Variants in RNGTT observed in about 807,000 individuals in gnomAD.
RNGTT encodes RNA guanylyltransferase and 5'-phosphatase, also known as mRNA-capping enzyme.
Under a neutral mutation model 79.3 loss-of-function variants are expected in RNGTT, and 33 were observed. The observed-to-expected ratio is 0.42, with a 90% CI of 0.32 to 0.56. The LOEUF (loss-of-function observed/expected upper bound fraction) is 0.56, where lower values mean the gene tolerates loss of function less well. Among genes scored for constraint, RNGTT ranks in the 20% least tolerant of loss-of-function variants. RNGTT has a pLI of 0.17. For missense variants in RNGTT, 497 were observed against 739.1 expected, an observed-to-expected ratio of 0.67 and a Z score of 3.80; for synonymous variants, 222 against 235.9, an observed-to-expected ratio of 0.94 and a Z score of 0.54.
In RNGTT at chr6:88,891,731, A is replaced by T; in HGVS notation, c.794+75T>A. The T allele has an allele frequency of 4.6e-6, 4 of 876,072 alleles. No homozygotes were observed. The South Asian group carries it at 9.1e-5, about 20-fold the overall frequency. 54.3% of individuals were successfully genotyped at this position (876,072 alleles called of 1,614,324 possible). On this transcript the variant is annotated intron_variant, in intron 7 of 15. Coordinates refer to ENST00000369485, the MANE Select transcript of RNGTT (RefSeq NM_003800.5). Reference sequence around the variant, plus strand: ...ACATACTAACTTCAAGGAGCCAAGAAGATATGTCAATGCTTGTATTAAGTG... The same window carrying T: ...ACATACTAACTTCAAGGAGCCAAGATGATATGTCAATGCTTGTATTAAGTG...
At chr6:88,675,649 C>T (rs1774842177) in intron 14 of RNGTT, among the ~76,000 whole-genome samples, 1 of 146,338 alleles carries the variant, frequency 6.8e-6, no homozygotes, top group African/African-American at 2.8e-5. Context: ...TACATAAAAG[C>T]TACTGAACTA....
chr6:88,625,657 G>A (rs1772601759), intron 14 of RNGTT, among the ~76,000 whole-genome samples: 1 of 151,688 alleles, frequency 6.6e-6, no homozygotes. Flanking sequence ...ATTTTGTCTT[G>A]ATTCTAGTAG....
At chr6:88,718,749 T>A (rs1266969100) in intron 13 of RNGTT, among the ~76,000 whole-genome samples, 1 of 152,112 alleles carries the variant, frequency 6.6e-6, no homozygotes, top group Admixed American at 6.5e-5. Flanking sequence ...CACATAGAAA[T>A]GTATGCTGCC....
chr6:88,773,393 C>T (rs1158693334), intron 12 of RNGTT, among the ~76,000 whole-genome samples: 4 of 148,288 alleles, frequency 2.7e-5, no homozygotes, highest in South Asian at 4.2e-4. Flanking sequence ...GTGGGTGCAG[C>T]GCACCAGCAT....
intron 13 of RNGTT, among the ~76,000 whole-genome samples, chr6:88,756,110 G>GT (rs1231587148): frequency 6.6e-6 from 1 of 151,942 alleles, no homozygotes; most frequent in Non-Finnish European, 1.5e-5. Context: ...GACAGTTCAG[G>GT]TTAACAAAGA....
chr6:88,961,883 A>G (rs527797849), intron 1 of RNGTT, among the ~76,000 whole-genome samples: 34 of 152,264 alleles, frequency 2.2e-4, no homozygotes, highest in Non-Finnish European at 4.3e-4. Context: ...TAATAGCTAA[A>G]AACTGGAAAT....
At chr6:88,752,783 G>C (rs1469760900) in intron 13 of RNGTT, among the ~76,000 whole-genome samples, 1 of 152,120 alleles carries the variant, frequency 6.6e-6, no homozygotes, top group Non-Finnish European at 1.5e-5. Flanking sequence ...AGGAATGCTT[G>C]AGGGGATGGA....
chr6:88,937,141 C>T (rs772268306), intron 2 of RNGTT, among the ~76,000 whole-genome samples: 7 of 152,064 alleles, frequency 4.6e-5, no homozygotes, highest in Middle Eastern at 6.8e-3. Context: ...TCAGGAGTTC[C>T]GAGACCAGTC....
chr6:88,917,264 A>G (rs1784029772), intron 4 of RNGTT, among the ~76,000 whole-genome samples: 1 of 152,234 alleles, frequency 6.6e-6, no homozygotes, highest in Non-Finnish European at 1.5e-5. Flanking sequence ...TTCCTGGTAT[A>G]ATAAAATGAC....
intron 13 of RNGTT, among the ~76,000 whole-genome samples, chr6:88,690,903 A>G (rs1775454580): frequency 6.6e-6 from 1 of 152,120 alleles, no homozygotes; most frequent in South Asian, 2.1e-4. Context: ...TTTGACTATT[A>G]CTGGTAAGCA....
chr6:88,865,834 C>T (rs1168188533), intron 8 of RNGTT, among the ~76,000 whole-genome samples: 1 of 152,002 alleles, frequency 6.6e-6, no homozygotes, highest in East Asian at 1.9e-4. Context: ...ACACAATAAA[C>T]CCGAAAGCTA....
intron 13 of RNGTT, among the ~76,000 whole-genome samples, chr6:88,742,685 G>A (rs898158440): frequency 6.6e-6 from 1 of 152,174 alleles, no homozygotes; most frequent in African/African-American, 2.4e-5. Context: ...AAATTTACCA[G>A]TAAGCACTAA....
In RNGTT at chr6:88,929,147, C is replaced by A; in HGVS notation, c.278+17G>T. 3 of 1,561,492 alleles carry A rather than the reference C, an allele frequency of 1.9e-6. No homozygotes were observed. Among genetic ancestry groups the A allele is most frequent in the Non-Finnish European group, 2.6e-6 (3 of 1,140,480 alleles). On this transcript the variant is annotated intron_variant, in intron 3 of 15. Transcript: ENST00000369485. ...ATGAAAGGTTTCAATATTAAAGAAT[C>A]TTAATATATAACTTACCCTTTACAC...
intron 13 of RNGTT, among the ~76,000 whole-genome samples, chr6:88,697,118 A>G (rs1203745640): frequency 2.6e-5 from 4 of 152,194 alleles, no homozygotes; most frequent in Non-Finnish European, 5.9e-5. Context: ...AGAACTCTCT[A>G]CAAAATGCTG....
chr6:88,849,852 T>C, intron 9 of RNGTT, 26 bp from the exon 10 acceptor site: 1 of 1,519,988 alleles, frequency 6.6e-7, no homozygotes, highest in Non-Finnish European at 8.8e-7. Context: ...AAGGTAAGTT[T>C]CTTCATACTT....
intron 8 of RNGTT, among the ~76,000 whole-genome samples, chr6:88,857,908 G>A (rs1781890997): frequency 6.6e-6 from 1 of 151,960 alleles, no homozygotes; most frequent in African/African-American, 2.4e-5. Context: ...GACACAGGGG[G>A]CAAAATTAAA....
At chr6:88,672,881 A>AGT (rs958638930) in intron 14 of RNGTT, among the ~76,000 whole-genome samples, 1 of 152,090 alleles carries the variant, frequency 6.6e-6, no homozygotes, top group Non-Finnish European at 1.5e-5. Flanking sequence ...ATAATGGAAG[A>AGT]GTGTGTGTGT....
rs2127869554 is a variant in RNGTT at position 88,809,283 on chromosome 6, T to C, written c.1270-7651A>G. On this transcript the variant is annotated intron_variant, in intron 11 of 15. Coordinates refer to ENST00000369485, the MANE Select transcript of RNGTT (RefSeq NM_003800.5). Reference sequence around the variant, plus strand: ...AAAATAGTGGGGAAATCCTCAATTATACATAGAGAATTTAACACTCTTCTC... The same window carrying C: ...AAAATAGTGGGGAAATCCTCAATTACACATAGAGAATTTAACACTCTTCTC... Among the ~76,000 whole-genome samples the C allele has an allele frequency of 2.0e-5, 3 of 152,180 alleles. No individual in the cohort carries two copies. In the Middle Eastern group the frequency reaches 0.01, roughly 518 times the overall value.
chr6:88,938,601 G>C (rs191252751), intron 2 of RNGTT, among the ~76,000 whole-genome samples: 21 of 152,146 alleles, frequency 1.4e-4, no homozygotes, highest in Admixed American at 1.2e-3. Context: ...TATATTCTTT[G>C]TCCTTTCTTT....
Sources: gnomAD v4.1 joint callset for allele counts (sites outside exome capture counted in the v4.1 genomes callset) on GRCh38, gnomAD v4.1.1 for gene constraint, MANE v1.5 for transcripts, NCBI Gene and HGNC (gene_info 2026-07-23, HGNC 2026-07-21) for gene names.